The following UNC5D variants were observed in gnomAD, a reference collection of about 807,000 sequenced individuals.
UNC5D encodes unc-5 netrin receptor D.
UNC5D carries 39 observed loss-of-function variants against 105.4 expected under a neutral mutation model. The ratio of observed to expected loss-of-function variants is 0.37; its 90% CI spans 0.29 to 0.48. The LOEUF is 0.48. Among genes scored for constraint, UNC5D ranks in the 20% least tolerant of loss-of-function variants. The pLI is 0.98. For synonymous variants in UNC5D, 452 were observed against 450.4 expected, an observed-to-expected ratio of 1.00 and a Z score of -0.04; for missense variants, 991 against 1,202.4, an observed-to-expected ratio of 0.82 and a Z score of 2.60.
chr8:35,671,138 C>A (rs2131276413), intron 4 of UNC5D, among the ~76,000 whole-genome samples: 1 of 152,236 alleles, frequency 6.6e-6, no homozygotes, highest in South Asian at 2.1e-4. Context: ...ATAGTAAAAC[C>A]ATTGTGCTTA....
chr8:35,281,440 A>G (rs1806154653), intron 1 of UNC5D, among the ~76,000 whole-genome samples: 1 of 147,842 alleles, frequency 6.8e-6, no homozygotes, highest in Admixed American at 6.8e-5. Context: ...TTTTTTGCCA[A>G]ACTCCTCTTC....
At chr8:35,683,832 G>T in intron 5 of UNC5D, 105 bp downstream of exon 5, 1 of 1,182,094 alleles carries the variant, frequency 8.5e-7, no homozygotes, top group Non-Finnish European at 1.1e-6. Context: ...AAGACCTTGG[G>T]GTTCATTCAC....
chr8:35,573,729 G>A (rs1012214726), intron 3 of UNC5D, among the ~76,000 whole-genome samples: 1 of 152,194 alleles, frequency 6.6e-6, no homozygotes, highest in Non-Finnish European at 1.5e-5. Flanking sequence ...CCAGTTGTGT[G>A]TGTGTGTGTA....
intron 2 of UNC5D, among the ~76,000 whole-genome samples, chr8:35,557,246 T>C (rs150523302): frequency 1.3e-5 from 2 of 152,208 alleles, no homozygotes; most frequent in African/African-American, 2.4e-5. Context: ...AATTCTAATC[T>C]CTTGTGTGGA....
intron 1 of UNC5D, among the ~76,000 whole-genome samples, chr8:35,512,584 T>C (rs1812833555): frequency 7.8e-6 from 1 of 128,918 alleles, no homozygotes; most frequent in Non-Finnish European, 1.6e-5. Flanking sequence ...AATAGATTAC[T>C]AAATGGAGAT....
intron 11 of UNC5D, among the ~76,000 whole-genome samples, chr8:35,745,590 G>GAAATA (rs1176767168): frequency 1.3e-5 from 2 of 152,244 alleles, no homozygotes; most frequent in African/African-American, 4.8e-5. Context: ...TCAGAAAGCA[G>GAAATA]AGTTCCTATA....
chr8:35,317,216 G>A (rs1809373210), intron 1 of UNC5D, among the ~76,000 whole-genome samples: 1 of 152,022 alleles, frequency 6.6e-6, no homozygotes, highest in South Asian at 2.1e-4. Flanking sequence ...CATAACCATT[G>A]TGATTAATTT....
chr8:35,595,206 G>A (rs1448610542), intron 3 of UNC5D, among the ~76,000 whole-genome samples: 1 of 152,156 alleles, frequency 6.6e-6, no homozygotes, highest in African/African-American at 2.4e-5. Flanking sequence ...GCTGTGGATG[G>A]CAATTTATTA....
chr8:35,533,306 G>C (rs1164189207), intron 1 of UNC5D, among the ~76,000 whole-genome samples: 1 of 152,082 alleles, frequency 6.6e-6, no homozygotes, highest in Admixed American at 6.6e-5. Context: ...ATACCCTGCC[G>C]TGTGAGGGGT....
At chr8:35,283,776 C>T (rs1477195819) in intron 1 of UNC5D, among the ~76,000 whole-genome samples, 3 of 147,086 alleles carry the variant, frequency 2.0e-5, no homozygotes, top group East Asian at 4.1e-4. Context: ...TACACTCCAA[C>T]CTAGTGACAG....
chr8:35,467,832 T>G (rs933044412), intron 1 of UNC5D, among the ~76,000 whole-genome samples: 13 of 152,148 alleles, frequency 8.5e-5, no homozygotes, highest in African/African-American at 3.1e-4. Context: ...AACGAAAAGC[T>G]TTCGCCAAAT....
chr8:35,427,684 C>T (rs1457581094), intron 1 of UNC5D, among the ~76,000 whole-genome samples: 1 of 152,178 alleles, frequency 6.6e-6, no homozygotes, highest in African/African-American at 2.4e-5. Context: ...ATAGGAGTCT[C>T]CTGTAATCCC....
intron 1 of UNC5D, among the ~76,000 whole-genome samples, chr8:35,465,406 G>T (rs1809231034): frequency 6.6e-6 from 1 of 150,998 alleles, no homozygotes; most frequent in Admixed American, 6.6e-5. Flanking sequence ...AATATTGTAT[G>T]CTCAAAAGCC....
chr8:35,316,016 G>A (rs752233456), intron 1 of UNC5D, among the ~76,000 whole-genome samples: 10 of 152,108 alleles, frequency 6.6e-5, no homozygotes, highest in Non-Finnish European at 1.3e-4. Context: ...TAAAGAGATC[G>A]GTCGAGCTAC....
chr8:35,549,918 C>T (rs568847161), intron 2 of UNC5D, among the ~76,000 whole-genome samples: 4 of 148,854 alleles, frequency 2.7e-5, no homozygotes, highest in Admixed American at 6.7e-5. Context: ...TTATTCTTTG[C>T]ACTTTATTCT....
chr8:35,777,152 G>A (rs555361206), intron 16 of UNC5D, among the ~76,000 whole-genome samples: 2 of 152,326 alleles, frequency 1.3e-5, no homozygotes, highest in African/African-American at 4.8e-5. Context: ...TACTCTGGAG[G>A]CTGAGGCAGG....
At chr8:35,571,128 G>C (rs997594488) in intron 3 of UNC5D, among the ~76,000 whole-genome samples, 2 of 152,132 alleles carry the variant, frequency 1.3e-5, no homozygotes, top group Non-Finnish European at 2.9e-5. Context: ...TGGGATTACA[G>C]GCATGAACGA....
At chr8:35,651,815 A>C (rs1823422293) in intron 4 of UNC5D, among the ~76,000 whole-genome samples, 1 of 152,138 alleles carries the variant, frequency 6.6e-6, no homozygotes, top group Admixed American at 6.5e-5. Context: ...GATTCATTTA[A>C]GTTAATGTGT....
intron 13 of UNC5D, among the ~76,000 whole-genome samples, chr8:35,755,172 A>C (rs114017596): frequency 1.1e-3 from 170 of 152,304 alleles, no homozygotes; most frequent in African/African-American, 4.0e-3. Flanking sequence ...ACGAACACAC[A>C]CATGCATGCA....
Sources: gnomAD v4.1 joint callset for allele counts (sites outside exome capture counted in the v4.1 genomes callset) on GRCh38, gnomAD v4.1.1 for gene constraint, MANE v1.5 for transcripts, NCBI Gene and HGNC (gene_info 2026-07-23, HGNC 2026-07-21) for gene names.